SLMAP: variants seen among roughly 807,000 people sequenced by gnomAD.
The protein encoded by SLMAP is sarcolemma associated protein.
In SLMAP, 44 loss-of-function variants were observed where a neutral mutation model predicts 128.8. That is an observed-to-expected ratio of 0.34 (90% CI 0.27 to 0.44). The LOEUF (loss-of-function observed/expected upper bound fraction) is 0.44, where lower values mean the gene tolerates loss of function less well. Among genes scored for constraint, SLMAP ranks in the 20% least tolerant of loss-of-function variants. SLMAP has a pLI of 1.00. For missense variants in SLMAP, 787 were observed against 985.3 expected, an observed-to-expected ratio of 0.80 and a Z score of 2.69; for synonymous variants, 327 against 348.8, an observed-to-expected ratio of 0.94 and a Z score of 0.70.
intron 2 of SLMAP, among the ~76,000 whole-genome samples, chr3:57,775,507 TAC>T (rs1300972509): frequency 0.15 from 4,077 of 27,230 alleles, 510 homozygotes; most frequent in African/African-American, 0.36. Context: ...ACCCTGTTGG[TAC>T]AAAAAAAAAA....
chr3:57,863,276 T>C (rs1360549287), intron 10 of SLMAP, among the ~76,000 whole-genome samples: 2 of 152,074 alleles, frequency 1.3e-5, no homozygotes, highest in African/African-American at 2.4e-5. Context: ...TAGAATCTTA[T>C]AACTGAGGAA....
intron 21 of SLMAP, among the ~76,000 whole-genome samples, chr3:57,915,812 A>G (rs563380294): frequency 1.3e-5 from 2 of 152,320 alleles, no homozygotes; most frequent in African/African-American, 4.8e-5. Flanking sequence ...CACACATATC[A>G]AGCTGTTCTC....
intron 19 of SLMAP, among the ~76,000 whole-genome samples, chr3:57,911,657 C>G (rs894980126): frequency 9.9e-5 from 15 of 151,962 alleles, no homozygotes; most frequent in Non-Finnish European, 2.1e-4. Context: ...AACAAATGCC[C>G]TACACACATG....
chr3:57,758,518 C>G (rs140966075), intron 2 of SLMAP, among the ~76,000 whole-genome samples: 208 of 152,252 alleles, frequency 1.4e-3, no homozygotes, highest in African/African-American at 4.7e-3. Flanking sequence ...CCCTGCAGCA[C>G]TTATTAAGTA....
chr3:57,814,144 T>C (rs1307879736), intron 2 of SLMAP, among the ~76,000 whole-genome samples: 2 of 151,924 alleles, frequency 1.3e-5, no homozygotes, highest in Non-Finnish European at 2.9e-5. Flanking sequence ...TTCCAAGTCA[T>C]GAGCCCCTCT....
intron 2 of SLMAP, among the ~76,000 whole-genome samples, chr3:57,788,083 A>G (rs2084633530): frequency 6.6e-6 from 1 of 152,238 alleles, no homozygotes; most frequent in Admixed American, 6.5e-5. Context: ...GAGGGGAAGT[A>G]CATTCTAGGC....
intron 2 of SLMAP, among the ~76,000 whole-genome samples, chr3:57,829,867 A>G (rs2093212092): frequency 6.6e-6 from 1 of 152,184 alleles, no homozygotes; most frequent in South Asian, 2.1e-4. Context: ...GATAAATGAA[A>G]CATAAAGTCT....
chr3:57,837,478 C>T (rs375073974), intron 3 of SLMAP, among the ~76,000 whole-genome samples: 1 of 152,192 alleles, frequency 6.6e-6, no homozygotes, highest in East Asian at 1.9e-4. Context: ...TTGCCATTCT[C>T]CTGCCTCAGC....
chr3:57,857,261 C>T (rs2094837147), intron 6 of SLMAP, among the ~76,000 whole-genome samples: 1 of 152,148 alleles, frequency 6.6e-6, no homozygotes, highest in Non-Finnish European at 1.5e-5. Flanking sequence ...GGCCCATATA[C>T]ATGGAGTAGC....
intron 17 of SLMAP, chr3:57,902,250 T>G (rs1046845666): frequency 6.6e-6 from 1 of 152,140 alleles, no homozygotes; most frequent in Non-Finnish European, 1.5e-5. Context: ...CATTTTAGAG[T>G]TTTTTTATAT....
intron 3 of SLMAP, among the ~76,000 whole-genome samples, chr3:57,835,944 A>C (rs1427958986): frequency 6.6e-6 from 1 of 152,172 alleles, no homozygotes; most frequent in Non-Finnish European, 1.5e-5. Flanking sequence ...GTGAATGATA[A>C]ATAGGATTTA....
intron 19 of SLMAP, among the ~76,000 whole-genome samples, chr3:57,909,531 T>G (rs1407638047): frequency 6.6e-6 from 1 of 150,684 alleles, no homozygotes; most frequent in African/African-American, 2.4e-5. Flanking sequence ...AAATGGAAAG[T>G]AAGAAGGCAG....
chr3:57,869,117 A>G (rs1290459417), intron 13 of SLMAP, among the ~76,000 whole-genome samples: 1 of 147,916 alleles, frequency 6.8e-6, no homozygotes, highest in Non-Finnish European at 1.5e-5. Flanking sequence ...CACATAGGCC[A>G]TCTGCAAGCT....
At chr3:57,788,178 A>G (rs1417823677) in intron 2 of SLMAP, among the ~76,000 whole-genome samples, 1 of 152,240 alleles carries the variant, frequency 6.6e-6, no homozygotes, top group Admixed American at 6.5e-5. Flanking sequence ...TGTGAATCAT[A>G]TAGGAGAGAG....
intron 5 of SLMAP, among the ~76,000 whole-genome samples, chr3:57,848,709 C>A (rs1246338904): frequency 9.7e-6 from 1 of 103,596 alleles, no homozygotes; most frequent in South Asian, 3.6e-4. Flanking sequence ...CCTCCTACTC[C>A]TTTTTTTTTT....
At chr3:57,798,930 T>A (rs1247907095) in intron 2 of SLMAP, among the ~76,000 whole-genome samples, 1 of 152,198 alleles carries the variant, frequency 6.6e-6, no homozygotes, top group Non-Finnish European at 1.5e-5. Context: ...TCACTCAGTT[T>A]ATAGTTGCAG....
chr3:57,915,444 AT>A (rs1447451804), intron 21 of SLMAP, among the ~76,000 whole-genome samples: 1 of 152,156 alleles, frequency 6.6e-6, no homozygotes, highest in Non-Finnish European at 1.5e-5. Flanking sequence ...GATGCCCTAA[AT>A]TTGCTTGATA....
chr3:57,908,946 T>TA, intron 18 of SLMAP, 130 bp from the exon 19 acceptor site: 1 of 631,444 alleles, frequency 1.6e-6, no homozygotes, highest in South Asian at 2.0e-5. Context: ...TGATAATACT[T>TA]ACTGCCTAAC....
chr3:57,883,039 C>A (rs972782078), intron 14 of SLMAP, among the ~76,000 whole-genome samples: 1 of 151,982 alleles, frequency 6.6e-6, no homozygotes, highest in Non-Finnish European at 1.5e-5. Flanking sequence ...TCCTATATTT[C>A]TCTCATTTAT....
Sources: allele counts gnomAD v4.1 joint callset (sites outside exome capture counted in the v4.1 genomes callset), GRCh38; gene constraint gnomAD v4.1.1; transcripts MANE v1.5; gene names NCBI Gene and HGNC (gene_info 2026-07-23, HGNC 2026-07-21).